The following TIA1 variants were observed in gnomAD, a reference collection of about 807,000 sequenced individuals.
The protein encoded by TIA1 is TIA1 cytotoxic granule associated RNA binding protein.
In TIA1, 23 loss-of-function variants were observed where a neutral mutation model predicts 65.9. The observed-to-expected ratio is 0.35, with a 90% CI of 0.25 to 0.49. The LOEUF (loss-of-function observed/expected upper bound fraction) is 0.49, where lower values mean the gene tolerates loss of function less well. Ranked by LOEUF, TIA1 falls within the 20% of genes least tolerant of loss-of-function variation. TIA1 has a pLI of 0.98. For missense variants in TIA1, 371 were observed against 477.9 expected, an observed-to-expected ratio of 0.78 and a Z score of 2.09; for synonymous variants, 147 against 149.4, an observed-to-expected ratio of 0.98 and a Z score of 0.12.
intron 11 of TIA1, chr2:70,215,166 G>C: frequency 3.4e-6 from 2 of 589,916 alleles, no homozygotes; most frequent in Non-Finnish European, 5.8e-6. Flanking sequence ...CACTGTGTGA[G>C]CATGAGTCAA....
intron 8 of TIA1, 47 bp downstream of exon 8, chr2:70,216,839 T>A (rs1678837402): frequency 6.2e-7 from 1 of 1,613,208 alleles, no homozygotes; most frequent in Non-Finnish European, 8.5e-7. Flanking sequence ...ATCTAGCGTA[T>A]TTTTCTCCAA....
rs750862626 is a variant in TIA1, at chr2:70,229,320, TA to T, written c.223-3del. The T allele has an allele frequency of 0.029, 29,686 of 1,007,400 alleles. No homozygotes were observed. The highest frequency in any genetic ancestry group is 0.042 in the South Asian group (2,164 of 52,118). The allele number at this position is 1,007,400 out of a possible 1,614,324, so 62.4% of individuals were successfully genotyped here. On this transcript the variant is annotated splice_polypyrimidine_tract_variant and splice_region_variant and intron_variant, in intron 3 of 12. Coordinates refer to ENST00000433529, the MANE Select transcript of TIA1 (RefSeq NM_022173.4). ...TGTTGCCCAATTCACTTTGACTTCC[TA>T]AAAAAAAAAAATTTCTACATTTATA...
At chr2:70,229,433 C>T (rs900218466) in intron 3 of TIA1, 115 bp from the exon 4 acceptor site, 5 of 846,410 alleles carry the variant, frequency 5.9e-6, no homozygotes, top group Admixed American at 2.6e-5. Flanking sequence ...GAAGGAGATA[C>T]CAGCTCTGGT....
chr2:70,247,947 CGAG>C (rs1695160294), intron 1 of TIA1, among the ~76,000 whole-genome samples: 1 of 150,304 alleles, frequency 6.7e-6, no homozygotes, highest in Non-Finnish European at 1.5e-5. Flanking sequence ...ATCTTATCAC[CGAG>C]AAGAAAATGA....
chr2:70,226,321 C>A (rs1000988603), intron 6 of TIA1, among the ~76,000 whole-genome samples: 2 of 152,106 alleles, frequency 1.3e-5, no homozygotes, highest in African/African-American at 4.8e-5. Flanking sequence ...GTTAAACAAT[C>A]TTTGCCTAAT....
At chr2:70,246,894 AAAAAATT>A (rs1694625919) in intron 1 of TIA1, among the ~76,000 whole-genome samples, 1 of 152,086 alleles carries the variant, frequency 6.6e-6, no homozygotes, top group African/African-American at 2.4e-5. Flanking sequence ...ACTCCATCTC[AAAAAATT>A]AAAAAGTAAA....
chr2:70,223,775 A>C (rs1054863896), intron 7 of TIA1, among the ~76,000 whole-genome samples: 2 of 151,806 alleles, frequency 1.3e-5, no homozygotes, highest in African/African-American at 4.8e-5. Flanking sequence ...AAATATATAT[A>C]TTTTGTAGAG....
In TIA1 at chr2:70,210,257, TG is replaced by T. The variant is rs1258704560; in HGVS notation, c.*2461del. 6.6e-6 allele frequency: 1 copy of T among 152,290 alleles called. No individual in the cohort carries two copies. The highest frequency in any genetic ancestry group is 1.5e-5 in the Non-Finnish European group (1 of 68,094). 9.4% of individuals were successfully genotyped at this position (152,290 alleles called of 1,614,324 possible). On this transcript the variant is annotated 3_prime_UTR_variant, in exon 13 of 13. Transcript: ENST00000433529. Reference sequence around the variant, plus strand: ...TCCAAACATTCAGGGTAAAGAATACTGGATTAATCACCCATTAAGTGTAAAT... The same window carrying T: ...TCCAAACATTCAGGGTAAAGAATACTGATTAATCACCCATTAAGTGTAAAT...
chr2:70,228,317 T>A (rs1197394569), intron 5 of TIA1: 2 of 1,280,866 alleles, frequency 1.6e-6, no homozygotes, highest in Non-Finnish European at 2.0e-6. Flanking sequence ...TTTAACCATA[T>A]TTTGTGAAGA....
chr2:70,226,356 C>CA (rs1683812119), intron 6 of TIA1, among the ~76,000 whole-genome samples: 1 of 152,080 alleles, frequency 6.6e-6, no homozygotes, highest in Middle Eastern at 3.4e-3. Flanking sequence ...CCCGTGTTTT[C>CA]AAAAAAACTA....
At chr2:70,224,044 A>C (rs1682747049) in intron 7 of TIA1, among the ~76,000 whole-genome samples, 1 of 152,090 alleles carries the variant, frequency 6.6e-6, no homozygotes, top group Non-Finnish European at 1.5e-5. Context: ...CAGCTTCCCG[A>C]GTAGCTGGGA....
At chr2:70,216,667 A>C (rs1030277777) in intron 8 of TIA1, 168 bp from the exon 9 acceptor site, 13 of 1,412,452 alleles carry the variant, frequency 9.2e-6, no homozygotes, top group African/African-American at 2.9e-5. Context: ...CGAATGTCTA[A>C]AAAATTACCC....
At chr2:70,219,593 T>A (rs183870376) in intron 7 of TIA1, among the ~76,000 whole-genome samples, 1 of 152,164 alleles carries the variant, frequency 6.6e-6, no homozygotes, top group East Asian at 1.9e-4. Context: ...CACCTCAGCC[T>A]CCTAGTAGCT....
At chr2:70,234,933 C>T (rs543787922) in intron 2 of TIA1, among the ~76,000 whole-genome samples, 2 of 152,020 alleles carry the variant, frequency 1.3e-5, no homozygotes, top group African/African-American at 4.8e-5. Flanking sequence ...GTAACAGATA[C>T]ACATACACAC....
At chr2:70,228,504 A>G in intron 5 of TIA1, 1 of 1,202,114 alleles carries the variant, frequency 8.3e-7, no homozygotes, top group Non-Finnish European at 1.1e-6. Flanking sequence ...TTCACTTTAT[A>G]TCAGAACCAT....
Position 70,214,642 on chromosome 2 carries a change from A to C in TIA1, c.889-148T>G, listed in dbSNP as rs896685808. ...ACAAGAGTTGACTGCTAAAAAAAAA[A>C]AAAAAAAAAAAAAAAACAAAAAACA... On this transcript the variant is annotated intron_variant, in intron 11 of 12. Coordinates refer to ENST00000433529, the MANE Select transcript of TIA1 (RefSeq NM_022173.4). 92 of 551,672 alleles carry C rather than the reference A, an allele frequency of 1.7e-4. 6 individuals are homozygous for C. Among genetic ancestry groups the C allele is most frequent in the Non-Finnish European group, 2.2e-4 (74 of 344,046 alleles). 34.2% of individuals were successfully genotyped at this position (551,672 alleles called of 1,614,324 possible).
chr2:70,222,148 C>CAA (rs70956953), intron 7 of TIA1, among the ~76,000 whole-genome samples: 150 of 147,984 alleles, frequency 1.0e-3, no homozygotes, highest in East Asian at 3.9e-3. Context: ...AACAAACAAA[C>CAA]AAAAAAAAAA....
intron 1 of TIA1, among the ~76,000 whole-genome samples, chr2:70,245,485 G>C (rs1693885243): frequency 6.6e-6 from 1 of 152,180 alleles, no homozygotes; most frequent in African/African-American, 2.4e-5. Flanking sequence ...TTCTAGTCTA[G>C]TGTGTAGCTT....
chr2:70,214,199 T>TA lies in TIA1; in HGVS notation c.1034+149dup, dbSNP rs78211293. 0.067 allele frequency: 56,360 copies of TA among 837,680 alleles called. 2,386 individuals are homozygous for TA. The highest frequency in any genetic ancestry group is 0.18 in the East Asian group (6,194 of 35,020). The allele number at this position is 837,680 out of a possible 1,614,324, so 51.9% of individuals were successfully genotyped here. ...AACAACTATTAAGCTCTTATTTTCT[T>TA]ACTAAAAAACAATTTTAAGTTCTTT... is the stretch of plus-strand genomic sequence containing the variant. On this transcript the variant is annotated intron_variant, in intron 12 of 12. Coordinates refer to ENST00000433529, the MANE Select transcript of TIA1 (RefSeq NM_022173.4).
Sources: gnomAD v4.1 joint callset for allele counts (sites outside exome capture counted in the v4.1 genomes callset) on GRCh38, gnomAD v4.1.1 for gene constraint, MANE v1.5 for transcripts, NCBI Gene and HGNC (gene_info 2026-07-23, HGNC 2026-07-21) for gene names.